Variants in PRKCE observed in about 807,000 individuals in gnomAD.
The protein encoded by PRKCE is protein kinase C epsilon type.
Under a neutral mutation model 85.4 loss-of-function variants are expected in PRKCE, and 16 were observed. That is an observed-to-expected ratio of 0.19 (90% CI 0.13 to 0.28). The LOEUF (loss-of-function observed/expected upper bound fraction) is 0.28, where lower values mean the gene tolerates loss of function less well. Among genes scored for constraint, PRKCE ranks in the 10% least tolerant of loss-of-function variants. The pLI is 1.00. For synonymous variants in PRKCE, 388 were observed against 371.5 expected (o/e 1.04, Z -0.51); for missense variants, 573 against 975.2 (o/e 0.59, Z 5.49).
intron 1 of PRKCE, among the ~76,000 whole-genome samples, chr2:45,658,392 T>C (rs989689599): frequency 2.0e-5 from 3 of 152,062 alleles, no homozygotes; most frequent in Non-Finnish European, 2.9e-5. Flanking sequence ...CAGTCAAGCG[T>C]TGTTTGAACT....
intron 2 of PRKCE, among the ~76,000 whole-genome samples, chr2:45,857,242 A>G (rs1692752145): frequency 6.6e-6 from 1 of 152,258 alleles, no homozygotes. Context: ...CAAAGGAGTG[A>G]AAGTTGAATA....
At chr2:46,027,846 C>T (rs377504689) in intron 10 of PRKCE, among the ~76,000 whole-genome samples, 7 of 152,256 alleles carry the variant, frequency 4.6e-5, no homozygotes, top group Non-Finnish European at 8.8e-5. Context: ...AGACCAAGGC[C>T]AAGATGGGGC....
At chr2:45,839,671 G>A (rs761487958) in intron 1 of PRKCE, among the ~76,000 whole-genome samples, 2 of 152,162 alleles carry the variant, frequency 1.3e-5, no homozygotes, top group Non-Finnish European at 2.9e-5. Context: ...CCATGTAATC[G>A]TGAGCAGAAT....
intron 1 of PRKCE, among the ~76,000 whole-genome samples, chr2:45,775,163 A>G (rs1307954176): frequency 2.0e-5 from 3 of 152,116 alleles, no homozygotes; most frequent in Non-Finnish European, 4.4e-5. Context: ...GTCCATGTTT[A>G]TATCTCATTT....
chr2:45,758,548 C>A (rs1684192708), intron 1 of PRKCE, among the ~76,000 whole-genome samples: 1 of 152,216 alleles, frequency 6.6e-6, no homozygotes, highest in Non-Finnish European at 1.5e-5. Flanking sequence ...CTCACTCCCT[C>A]ACATATTTTG....
intron 2 of PRKCE, among the ~76,000 whole-genome samples, chr2:45,971,504 TC>T (rs775344258): frequency 2.4e-4 from 36 of 152,318 alleles, no homozygotes; most frequent in East Asian, 1.7e-3. Flanking sequence ...GCCTCACACT[TC>T]ATAAAAGTAT....
At chr2:46,096,964 A>G (rs112232129) in intron 11 of PRKCE, among the ~76,000 whole-genome samples, 21,782 of 152,134 alleles carry the variant, frequency 0.14, 1,662 homozygotes, top group Middle Eastern at 0.22. Context: ...GGGGTTGTTT[A>G]GGGGCTCGGC....
chr2:46,009,691 G>A (rs545691448), intron 9 of PRKCE, among the ~76,000 whole-genome samples: 1 of 152,256 alleles, frequency 6.6e-6, no homozygotes, highest in African/African-American at 2.4e-5. Flanking sequence ...TTTTAATTGT[G>A]TACAAAAATA....
intron 1 of PRKCE, among the ~76,000 whole-genome samples, chr2:45,836,174 C>T (rs1320732810): frequency 1.3e-5 from 2 of 152,170 alleles, no homozygotes; most frequent in African/African-American, 4.8e-5. Flanking sequence ...CTCCCATGTG[C>T]GGGACAGACA....
rs137987801 is a variant in PRKCE at position 45,958,387 on chromosome 2, T to A, written c.413-18042T>A. On this transcript the variant is annotated intron_variant, in intron 2 of 14. Transcript: ENST00000306156. ...AGCCAGGCGTGGTGGCGGGCGCCTG[T>A]AGTCCCAGCTATTTGGGAGGTTGAG... is the stretch of plus-strand genomic sequence containing the variant. Among the ~76,000 whole-genome samples the A allele has an allele frequency of 4.2e-3, 628 of 150,610 alleles. 1 individual carries two copies. Among genetic ancestry groups the A allele is most frequent in the African/African-American group, 0.015 (600 of 41,048 alleles).
intron 2 of PRKCE, among the ~76,000 whole-genome samples, chr2:45,915,018 C>T (rs1697659989): frequency 6.6e-6 from 1 of 152,168 alleles, no homozygotes; most frequent in Non-Finnish European, 1.5e-5. Flanking sequence ...CTCACTGCCA[C>T]CTCCACCTTC....
intron 2 of PRKCE, among the ~76,000 whole-genome samples, chr2:45,936,333 G>T (rs1393728861): frequency 1.3e-5 from 2 of 152,186 alleles, no homozygotes; most frequent in African/African-American, 4.8e-5. Context: ...AGGAACCCGT[G>T]CCCCAGCCAT....
rs1686611245 is a variant in PRKCE, at chr2:45,786,471, A to G, written c.349-56529A>G. On this transcript the variant is annotated intron_variant, in intron 1 of 14. Transcript: ENST00000306156. This position sits in a 1 kb window ranked among gnomAD's most constrained non-coding sequence, Gnocchi z 5.3. ...CCCTCTCTTTCTGGCTGCTCCTAGT[A>G]TCTGCTTTCAGCCATTTTATCTTTA... is the stretch of plus-strand genomic sequence containing the variant. Among the ~76,000 whole-genome samples, 5 of 152,324 alleles carry G rather than the reference A, an allele frequency of 3.3e-5. No homozygotes were observed. The East Asian group carries it at 5.8e-4, about 18-fold the overall frequency.
In PRKCE at chr2:45,849,794, G is replaced by A. The variant is rs919178251; in HGVS notation, c.412+6731G>A. ...ACCCCACGTTACCACACCCCACCCCGGCATAACTTCTTCCTGTGGCTGATT... is the reference window on the plus strand; with the variant it reads ...ACCCCACGTTACCACACCCCACCCCAGCATAACTTCTTCCTGTGGCTGATT... On this transcript the variant is annotated intron_variant, in intron 2 of 14. Transcript: ENST00000306156. Among the ~76,000 whole-genome samples the A allele has an allele frequency of 2.0e-4, 30 of 152,038 alleles. No individual in the cohort carries two copies. In the East Asian group the frequency reaches 2.7e-3, roughly 14 times the overall value.
At chr2:46,030,223 A>G (rs192534806) in intron 10 of PRKCE, among the ~76,000 whole-genome samples, 5 of 152,324 alleles carry the variant, frequency 3.3e-5, no homozygotes, top group Admixed American at 6.5e-5. Context: ...GCACTGGAGA[A>G]CCTTGCAGAT....
At chr2:46,095,226 C>G (rs1245961701) in intron 11 of PRKCE, among the ~76,000 whole-genome samples, 5 of 152,242 alleles carry the variant, frequency 3.3e-5, no homozygotes, top group Admixed American at 6.5e-5. Flanking sequence ...TATTTCTAGG[C>G]CTTTCCTCTT....
chr2:45,955,061 A>G (rs1265069750), intron 2 of PRKCE, among the ~76,000 whole-genome samples: 1 of 152,034 alleles, frequency 6.6e-6, no homozygotes, highest in Non-Finnish European at 1.5e-5. Flanking sequence ...AGGAAACAAT[A>G]TGAACACTCC....
intron 11 of PRKCE, among the ~76,000 whole-genome samples, chr2:46,120,541 T>A (rs1275380424): frequency 6.6e-6 from 1 of 152,204 alleles, no homozygotes; most frequent in Non-Finnish European, 1.5e-5. Flanking sequence ...GGTCTCTTGT[T>A]TTGGCTAGTA....
At chr2:45,900,959 T>C (rs140096623) in intron 2 of PRKCE, among the ~76,000 whole-genome samples, 3 of 152,336 alleles carry the variant, frequency 2.0e-5, no homozygotes, top group African/African-American at 7.2e-5. Flanking sequence ...ATACAGGTAC[T>C]GTAAGGACTT....
Sources: allele counts gnomAD v4.1 joint callset (sites outside exome capture counted in the v4.1 genomes callset), GRCh38; gene constraint gnomAD v4.1.1; non-coding constraint Gnocchi (gnomAD v3.1); transcripts MANE v1.5; gene names NCBI Gene and HGNC (gene_info 2026-07-23, HGNC 2026-07-21).